FBXO7: variants seen among roughly 807,000 people sequenced by gnomAD.
FBXO7 encodes F-box protein 7, also known as F-box only protein 7.
FBXO7 carries 31 observed loss-of-function variants against 50.2 expected under a neutral mutation model. The observed-to-expected ratio is 0.62, with a 90% CI of 0.46 to 0.83. The LOEUF is 0.83. FBXO7 is among the 40% of genes least tolerant of loss of function. The pLI is 0.00. For synonymous variants in FBXO7, 256 were observed against 253.1 expected, an observed-to-expected ratio of 1.01 and a Z score of -0.11; for missense variants, 667 against 646.6, an observed-to-expected ratio of 1.03 and a Z score of -0.34.
rs1190046869 is a variant in FBXO7 at position 32,498,547 on chromosome 22, T to C, written c.*17T>C. 1.2e-6 allele frequency: 2 copies of C among 1,608,084 alleles called. No homozygotes were observed. Among genetic ancestry groups the C allele is most frequent in the Non-Finnish European group, 1.7e-6 (2 of 1,179,252 alleles). On this transcript the variant is annotated 3_prime_UTR_variant, in exon 9 of 9. Transcript: ENST00000266087. ...TTCATGTGATTGATTTGTAATTTCA[T>C]TTCTGGAGCTCCATTTGTTTTTGTT...
In FBXO7 at chr22:32,483,934, A is replaced by C. The variant is rs1172559561; in HGVS notation, c.455A>C (p.Gln152Pro). Residue 152 changes from glutamine (Q) to proline (P), a missense_variant, in exon 3 of 9, where the codon CAA (glutamine) becomes CCA (proline). By Grantham distance (76) the Gln-to-Pro change is moderately conservative. Transcript: ENST00000266087. ...CAAAATTTTGAAGCTGAGTCAATTCAAGATAATGCGCATATGGCAGAGGGC... is the reference window on the plus strand; with the variant it reads ...CAAAATTTTGAAGCTGAGTCAATTCCAGATAATGCGCATATGGCAGAGGGC... ...PSQNFEAESIQDNAHMAEGTG... is the reference protein window; with the variant it reads ...PSQNFEAESIPDNAHMAEGTG... 3 of 1,614,192 alleles carry C rather than the reference A, an allele frequency of 1.9e-6. No homozygotes were observed. The Admixed American group carries it at 5.0e-5, about 27-fold the overall frequency.
Position 32,491,190 on chromosome 22 carries a change from T to A in FBXO7, c.967+9T>A. 1 of 1,530,162 alleles carries A rather than the reference T, an allele frequency of 6.5e-7. No homozygotes were observed. The highest frequency in any genetic ancestry group is 9.1e-7 in the Non-Finnish European group (1 of 1,104,156). The allele number at this position is 1,530,162 out of a possible 1,614,324, so 94.8% of individuals were successfully genotyped here. A position where few individuals can be genotyped will look rare whatever the true frequency, so the allele number is the denominator to read the frequency against. On this transcript the variant is annotated intron_variant, in intron 6 of 8. Coordinates refer to ENST00000266087, the MANE Select transcript of FBXO7 (RefSeq NM_012179.4). Reference sequence around the variant, plus strand: ...GGCTTTTACCCGACAAGGTAAGAGATGAAATACTGTCACAATTTAAATGAC... The same window carrying A: ...GGCTTTTACCCGACAAGGTAAGAGAAGAAATACTGTCACAATTTAAATGAC...
chr22:32,487,990 G>T, intron 5 of FBXO7, 162 bp downstream of exon 5: 1 of 605,182 alleles, frequency 1.7e-6, no homozygotes, highest in Non-Finnish European at 3.0e-6. Context: ...TAAAAAATGT[G>T]AAAGTTTTGC....
intron 7 of FBXO7, among the ~76,000 whole-genome samples, chr22:32,494,107 T>TGA (rs11427647): frequency 8.3e-4 from 100 of 120,820 alleles, no homozygotes; most frequent in Non-Finnish European, 1.4e-3. Context: ...ATAGCTCCCT[T>TGA]AAAAAAAAAA....
intron 6 of FBXO7, 88 bp downstream of exon 6, chr22:32,491,269 C>T (rs913278278): frequency 1.1e-5 from 10 of 948,020 alleles, no homozygotes; most frequent in Non-Finnish European, 1.7e-5. Context: ...CATCTGACTG[C>T]CCTCTTTTCT....
intron 1 of FBXO7, among the ~76,000 whole-genome samples, chr22:32,477,614 T>C (rs1308817550): frequency 6.6e-6 from 1 of 152,200 alleles, no homozygotes; most frequent in Non-Finnish European, 1.5e-5. Flanking sequence ...TGAATTTAGC[T>C]TGTCATCATC....
intron 2 of FBXO7, among the ~76,000 whole-genome samples, chr22:32,479,671 A>G (rs1469182521): frequency 6.6e-6 from 1 of 152,148 alleles, no homozygotes; most frequent in African/African-American, 2.4e-5. Flanking sequence ...CTGGGATTAC[A>G]GGCATGAGCC....
In FBXO7 at chr22:32,474,922, T is replaced by G. The variant is rs13056011; in HGVS notation, c.-81T>G. 1.5e-6 allele frequency: 2 copies of G among 1,377,306 alleles called. No homozygotes were observed. The highest frequency in any genetic ancestry group is 1.5e-5 in the African/African-American group (1 of 66,180). 85.3% of individuals were successfully genotyped at this position (1,377,306 alleles called of 1,614,324 possible). ...GTCGCCAGTCCGGGGTCGTCGCCGT[T>G]TGGGGCGGGAGCTGCTCGGCCCCGC... On this transcript the variant is annotated 5_prime_UTR_variant, in exon 1 of 9. Coordinates refer to ENST00000266087, the MANE Select transcript of FBXO7 (RefSeq NM_012179.4).
rs746495918 is a variant in FBXO7 at position 32,479,245 on chromosome 22, C to G, written c.387C>G (p.Ala129=). The change falls in exon 2 of 9, where the codon GCC becomes GCG. Residue 129 remains alanine, a synonymous_variant. Transcript: ENST00000266087. ...QPSDSFQGQA[A]QSGVWNDDSM... The stretch of plus-strand genomic sequence containing the variant: ...GTGATTCATTCCAAGGACAGGCAGC[C>G]CAGTCTGGTGTTTGGAATGACGACA... 6.2e-7 allele frequency: 1 copy of G among 1,614,068 alleles called. No homozygotes were observed. The highest frequency in any genetic ancestry group is 1.1e-5 in the South Asian group (1 of 91,074).
At chr22:32,496,977 G>A (rs1023411465) in intron 8 of FBXO7, among the ~76,000 whole-genome samples, 3 of 152,096 alleles carry the variant, frequency 2.0e-5, no homozygotes, top group South Asian at 2.1e-4. Context: ...TCCAATCCTC[G>A]TGGATGACTT....
At chr22:32,485,429 A>AT (rs1052410400) in intron 4 of FBXO7, among the ~76,000 whole-genome samples, 3 of 152,206 alleles carry the variant, frequency 2.0e-5, no homozygotes, top group African/African-American at 4.8e-5. Context: ...TAGGGCATCC[A>AT]TTTTTTTGAT....
chr22:32,475,338 G>T (rs998018233), intron 1 of FBXO7: 1 of 1,608,090 alleles, frequency 6.2e-7, no homozygotes, highest in Non-Finnish European at 8.5e-7. Flanking sequence ...CGGGTGGTCG[G>T]CTGGGGTCCG....
chr22:32,493,555 C>T (rs1204940934), intron 7 of FBXO7, among the ~76,000 whole-genome samples: 1 of 152,150 alleles, frequency 6.6e-6, no homozygotes, highest in Admixed American at 6.5e-5. Flanking sequence ...CACTAGAGAC[C>T]ATAGTCAGTA....
intron 2 of FBXO7, among the ~76,000 whole-genome samples, chr22:32,483,464 G>A (rs1039314242): frequency 2.0e-5 from 3 of 152,212 alleles, no homozygotes; most frequent in African/African-American, 7.2e-5. Context: ...AGGGACTGGG[G>A]TGTATTGGAA....
chr22:32,498,820 G>A lies in FBXO7; in HGVS notation c.*290G>A. ...GCTGTTCTTACCAGATTAAAAAAAA[G>A]TGTAAATTACATGGTGGTCTTGACT... On this transcript the variant is annotated 3_prime_UTR_variant, in exon 9 of 9. Coordinates refer to ENST00000266087, the MANE Select transcript of FBXO7 (RefSeq NM_012179.4). 1 of 441,066 alleles carries A rather than the reference G, an allele frequency of 2.3e-6. No individual in the cohort carries two copies. The highest frequency in any genetic ancestry group is 3.9e-5 in the Admixed American group (1 of 25,926). 27.3% of individuals were successfully genotyped at this position (441,066 alleles called of 1,614,324 possible).
intron 7 of FBXO7, among the ~76,000 whole-genome samples, chr22:32,493,890 C>T (rs552127723): frequency 6.6e-6 from 1 of 151,872 alleles, no homozygotes; most frequent in East Asian, 1.9e-4. Context: ...AAAAACAAAA[C>T]CCACAATGGA....
chr22:32,491,230 A>G, intron 6 of FBXO7, 49 bp downstream of exon 6: 4 of 1,319,018 alleles, frequency 3.0e-6, no homozygotes, highest in Non-Finnish European at 4.4e-6. Flanking sequence ...AAGAATAGTA[A>G]GTATACTTAA....
At chr22:32,485,292 T>G (rs987959357) in intron 4 of FBXO7, 83 bp downstream of exon 4, 7 of 1,517,460 alleles carry the variant, frequency 4.6e-6, no homozygotes, top group Non-Finnish European at 6.4e-6. Context: ...ACTTCAGTGA[T>G]TGGCTATCAT....
chr22:32,478,562 T>C (rs1337962284), intron 1 of FBXO7, among the ~76,000 whole-genome samples: 5 of 152,134 alleles, frequency 3.3e-5, no homozygotes, highest in African/African-American at 1.2e-4. Flanking sequence ...GATAATTTTC[T>C]CAAAACTATA....
Sources: allele counts gnomAD v4.1 joint callset (sites outside exome capture counted in the v4.1 genomes callset), GRCh38; gene constraint gnomAD v4.1.1; transcripts MANE v1.5; gene names NCBI Gene and HGNC (gene_info 2026-07-23, HGNC 2026-07-21).